The following CEP112 variants were observed in gnomAD, a reference collection of about 807,000 sequenced individuals.
CEP112 encodes the protein centrosomal protein of 112 kDa.
In CEP112, 127 loss-of-function variants were observed where a neutral mutation model predicts 153.0. That is an observed-to-expected ratio of 0.83 (90% CI 0.72 to 0.96). The LOEUF (loss-of-function observed/expected upper bound fraction) is 0.96, where lower values mean the gene tolerates loss of function less well. Among genes scored for constraint, CEP112 ranks in the 40% least tolerant of loss-of-function variants. CEP112 has a pLI of 0.00. For missense variants in CEP112, 1,089 were observed against 1,101.2 expected, an observed-to-expected ratio of 0.99 and a Z score of 0.16; for synonymous variants, 358 against 374.4, an observed-to-expected ratio of 0.96 and a Z score of 0.51.
chr17:66,163,959 C>T (rs2071822451), intron 4 of CEP112, among the ~76,000 whole-genome samples: 1 of 152,140 alleles, frequency 6.6e-6, no homozygotes, highest in African/African-American at 2.4e-5. Context: ...TGTCAGAAAG[C>T]TGACTTACTG....
chr17:66,038,110 A>AAAAAAAAAAAAAAAAAAAAAAG (rs71293591), intron 12 of CEP112, among the ~76,000 whole-genome samples: 165 of 120,618 alleles, frequency 1.4e-3, no homozygotes, highest in Non-Finnish European at 1.9e-3. Flanking sequence ...CAAAAAAAAA[A>AAAAAAAAAAAAAAAAAAAAAAG]AAAAGAAAAG....
At chr17:65,679,779 G>A (rs1312766300) in intron 24 of CEP112, among the ~76,000 whole-genome samples, 1 of 152,078 alleles carries the variant, frequency 6.6e-6, no homozygotes, top group Non-Finnish European at 1.5e-5. Flanking sequence ...ATTGATTTTG[G>A]TTCTCCTAAT....
At chr17:65,675,252 T>TA (rs1414619823) in intron 24 of CEP112, among the ~76,000 whole-genome samples, 1 of 152,240 alleles carries the variant, frequency 6.6e-6, no homozygotes, top group African/African-American at 2.4e-5. Flanking sequence ...CCGTAACTAC[T>TA]AAAAAAAGTA....
chr17:66,166,777 G>A (rs1049413381), intron 4 of CEP112, among the ~76,000 whole-genome samples: 8 of 151,788 alleles, frequency 5.3e-5, no homozygotes, highest in African/African-American at 1.7e-4. Flanking sequence ...GGTGGCACAC[G>A]CCTGTAATCC....
chr17:65,749,441 G>T (rs2051678901), intron 22 of CEP112, among the ~76,000 whole-genome samples: 1 of 151,996 alleles, frequency 6.6e-6, no homozygotes, highest in Admixed American at 6.6e-5. Flanking sequence ...CAGGGAGGTG[G>T]AGCTTGCAGT....
At chr17:65,857,258 C>G (rs902882093) in intron 20 of CEP112, among the ~76,000 whole-genome samples, 2 of 152,122 alleles carry the variant, frequency 1.3e-5, no homozygotes, top group Non-Finnish European at 2.9e-5. Flanking sequence ...TAAAGCAAAA[C>G]AAAACAGAAC....
chr17:66,081,293 T>C (rs1336362933), intron 8 of CEP112, among the ~76,000 whole-genome samples: 1 of 152,176 alleles, frequency 6.6e-6, no homozygotes, highest in African/African-American at 2.4e-5. Context: ...CTAAAATCAA[T>C]ATTAAAACAA....
intron 23 of CEP112, among the ~76,000 whole-genome samples, chr17:65,727,635 G>A (rs1332033732): frequency 1.3e-5 from 2 of 152,200 alleles, no homozygotes; most frequent in African/African-American, 2.4e-5. Context: ...AGAAAGACTG[G>A]AGGTAACCCT....
intron 23 of CEP112, among the ~76,000 whole-genome samples, chr17:65,739,333 C>T (rs751792844): frequency 1.3e-5 from 2 of 152,198 alleles, no homozygotes; most frequent in Non-Finnish European, 2.9e-5. Context: ...GGTGATAATT[C>T]TTTTGAAAGG....
chr17:66,027,539 T>A lies in CEP112; in HGVS notation c.1618A>T (p.Met540Leu). Residue 540 changes from methionine (M) to leucine (L), a missense_variant, in exon 16 of 27, where the codon ATG becomes TTG. By Grantham distance (15) the Met-to-Leu change is conservative. Transcript: ENST00000535342. ...ATGTGTTTTAAATGACTTTTCTCCATCTGAAACTTATTTTCTTGATCCTGT... is the reference window on the plus strand; with the variant it reads ...ATGTGTTTTAAATGACTTTTCTCCAACTGAAACTTATTTTCTTGATCCTGT... ...QLRDQENKFQ[M>L]EKSHLKHIYE... 7.7e-7 allele frequency: 1 copy of A among 1,304,960 alleles called. No individual in the cohort carries two copies. Among genetic ancestry groups the A allele is most frequent in the Non-Finnish European group, 1.0e-6 (1 of 974,282 alleles). The allele number at this position is 1,304,960 out of a possible 1,614,324, so 80.8% of individuals were successfully genotyped here. A position where few individuals can be genotyped will look rare whatever the true frequency, so the allele number is the denominator to read the frequency against.
At chr17:66,048,063 C>T (rs4346238) in intron 12 of CEP112, among the ~76,000 whole-genome samples, 62,498 of 151,438 alleles carry the variant, frequency 0.41, 14,324 homozygotes, top group East Asian at 0.87. Flanking sequence ...TTATGCAGTA[C>T]TTTTATTTGT....
chr17:66,010,822 T>C (rs1477115278), intron 16 of CEP112, among the ~76,000 whole-genome samples: 1 of 152,192 alleles, frequency 6.6e-6, no homozygotes, highest in Non-Finnish European at 1.5e-5. Flanking sequence ...TTGATTGTGG[T>C]GAATTAGCTT....
intron 23 of CEP112, among the ~76,000 whole-genome samples, chr17:65,722,437 C>T (rs1011670372): frequency 3.3e-5 from 5 of 152,032 alleles, no homozygotes; most frequent in South Asian, 2.1e-4. Flanking sequence ...TTAGCAGAGA[C>T]GGGGTTTCAC....
intron 21 of CEP112, among the ~76,000 whole-genome samples, chr17:65,794,752 C>A (rs894346837): frequency 1.3e-5 from 2 of 152,218 alleles, no homozygotes; most frequent in Admixed American, 6.5e-5. Flanking sequence ...TTCCTTTCCA[C>A]CCACACCCAG....
intron 21 of CEP112, among the ~76,000 whole-genome samples, chr17:65,808,608 C>T (rs1047436357): frequency 6.6e-6 from 1 of 152,018 alleles, no homozygotes; most frequent in African/African-American, 2.4e-5. Context: ...ATAGTGAGTT[C>T]TCATGAGATC....
chr17:65,778,198 G>A (rs368140679), intron 21 of CEP112, among the ~76,000 whole-genome samples: 1 of 152,168 alleles, frequency 6.6e-6, no homozygotes, highest in Non-Finnish European at 1.5e-5. Flanking sequence ...TCAAAGACAG[G>A]AATCTTTTGT....
chr17:65,934,906 A>G (rs74874849), intron 18 of CEP112, among the ~76,000 whole-genome samples: 5,864 of 152,270 alleles, frequency 0.039, 164 homozygotes, highest in South Asian at 0.11. Flanking sequence ...AAGGGGAAGA[A>G]AGACACCTCC....
chr17:66,117,346 T>C (rs2069348185), intron 6 of CEP112, among the ~76,000 whole-genome samples: 1 of 152,168 alleles, frequency 6.6e-6, no homozygotes, highest in South Asian at 2.1e-4. Context: ...AAATGGAATA[T>C]ATCCTTGCAG....
At chr17:66,103,219 C>CAA (rs546530645) in intron 6 of CEP112, among the ~76,000 whole-genome samples, 1 of 123,356 alleles carries the variant, frequency 8.1e-6, no homozygotes, top group Admixed American at 8.4e-5. Context: ...AATTCCATCT[C>CAA]AAAAAAAAAA....
Sources: gnomAD v4.1 joint callset for allele counts (sites outside exome capture counted in the v4.1 genomes callset) on GRCh38, gnomAD v4.1.1 for gene constraint, MANE v1.5 for transcripts, NCBI Gene and HGNC (gene_info 2026-07-23, HGNC 2026-07-21) for gene names.